The following FOXN3 variants were observed in gnomAD, a reference collection of about 807,000 sequenced individuals.
FOXN3 encodes forkhead box protein N3.
FOXN3 carries 7 observed loss-of-function variants against 38.4 expected under a neutral mutation model. That is an observed-to-expected ratio of 0.18 (90% CI 0.10 to 0.34). The LOEUF (loss-of-function observed/expected upper bound fraction) is 0.34, where lower values mean the gene tolerates loss of function less well. Among genes scored for constraint, FOXN3 ranks in the 10% least tolerant of loss-of-function variants. The pLI is 1.00. For missense variants in FOXN3, 456 were observed against 613.4 expected, an observed-to-expected ratio of 0.74 and a Z score of 2.71; for synonymous variants, 230 against 242.2, an observed-to-expected ratio of 0.95 and a Z score of 0.47.
chr14:89,607,765 T>C (rs1196234481), intron 1 of FOXN3, among the ~76,000 whole-genome samples: 4 of 152,024 alleles, frequency 2.6e-5, no homozygotes, highest in Non-Finnish European at 2.9e-5. Context: ...GGATTAAGTG[T>C]AGCAGGGATG....
intron 1 of FOXN3, among the ~76,000 whole-genome samples, chr14:89,475,245 T>C (rs1232600593): frequency 6.6e-6 from 1 of 152,248 alleles, no homozygotes; most frequent in Admixed American, 6.5e-5. Flanking sequence ...TGAATAGACC[T>C]ATATATAAAA....
At chr14:89,364,778 C>A (rs1389139767) in intron 2 of FOXN3, 1 of 152,208 alleles carries the variant, frequency 6.6e-6, no homozygotes, top group Admixed American at 6.5e-5. Context: ...TTTCAGAAAT[C>A]CACCTCATAT....
At chr14:89,400,911 A>G (rs533306236) in intron 2 of FOXN3, among the ~76,000 whole-genome samples, 1 of 152,026 alleles carries the variant, frequency 6.6e-6, no homozygotes, top group Non-Finnish European at 1.5e-5. Context: ...TACCCTGTCC[A>G]TGGAAGGAAC....
intron 1 of FOXN3, among the ~76,000 whole-genome samples, chr14:89,512,779 G>T (rs911219551): frequency 1.3e-5 from 2 of 152,230 alleles, no homozygotes; most frequent in Non-Finnish European, 2.9e-5. Flanking sequence ...CATTGGAACT[G>T]TGAAGCAAGT....
At chr14:89,405,820 G>GCA (rs1891372123) in intron 2 of FOXN3, among the ~76,000 whole-genome samples, 1 of 152,150 alleles carries the variant, frequency 6.6e-6, no homozygotes, top group Non-Finnish European at 1.5e-5. Context: ...TTTAAAGGAA[G>GCA]CACAGAGAGA....
intron 1 of FOXN3, among the ~76,000 whole-genome samples, chr14:89,463,588 CAG>C (rs1892902030): frequency 6.6e-6 from 1 of 152,146 alleles, no homozygotes; most frequent in Non-Finnish European, 1.5e-5. Flanking sequence ...TCTTCTAGAG[CAG>C]AGAGAGTGTA....
At chr14:89,393,364 G>C (rs1891010033) in intron 2 of FOXN3, among the ~76,000 whole-genome samples, 3 of 152,198 alleles carry the variant, frequency 2.0e-5, no homozygotes, top group African/African-American at 4.8e-5. Context: ...TACCAGAGAT[G>C]AGAACTTCAA....
chr14:89,617,280 G>A (rs1896512363), intron 1 of FOXN3, among the ~76,000 whole-genome samples: 1 of 152,200 alleles, frequency 6.6e-6, no homozygotes, highest in Non-Finnish European at 1.5e-5. Context: ...TTTACAGTTT[G>A]TCTTACAGAT....
chr14:89,619,147 C>A (rs2139966594), upstream of FOXN3: 1 of 150,966 alleles, frequency 6.6e-6, no homozygotes, highest in Middle Eastern at 3.4e-3. Context: ...TGCAGCAGAT[C>A]GCGGCCGGAA....
At chr14:89,253,415 A>T (rs1885523944) in intron 4 of FOXN3, among the ~76,000 whole-genome samples, 1 of 152,060 alleles carries the variant, frequency 6.6e-6, no homozygotes, top group South Asian at 2.1e-4. Context: ...CCACTCCGTG[A>T]GGCGTGATCC....
intron 2 of FOXN3, among the ~76,000 whole-genome samples, chr14:89,399,406 G>A (rs1056881618): frequency 1.3e-5 from 2 of 152,204 alleles, no homozygotes; most frequent in South Asian, 2.1e-4. Flanking sequence ...CCACGTGGCC[G>A]CAGAGGAACA....
At chr14:89,254,949 A>T (rs1885571538) in intron 4 of FOXN3, among the ~76,000 whole-genome samples, 1 of 152,210 alleles carries the variant, frequency 6.6e-6, no homozygotes, top group South Asian at 2.1e-4. Context: ...AGGAAAGCTA[A>T]GTGCTTTAAT....
At chr14:89,379,477 C>T (rs1403105762) in intron 2 of FOXN3, among the ~76,000 whole-genome samples, 3 of 152,088 alleles carry the variant, frequency 2.0e-5, no homozygotes, top group East Asian at 1.9e-4. Flanking sequence ...ACCGCTCCCC[C>T]GACAATCTCA....
chr14:89,295,062 C>G (rs1205526513), intron 3 of FOXN3, among the ~76,000 whole-genome samples: 1 of 152,108 alleles, frequency 6.6e-6, no homozygotes, highest in Non-Finnish European at 1.5e-5. Context: ...TGTTCCTTCC[C>G]AGCATGTCCT....
At chr14:89,462,113 G>C (rs1399368197) in intron 1 of FOXN3, among the ~76,000 whole-genome samples, 9 of 152,250 alleles carry the variant, frequency 5.9e-5, no homozygotes, top group Non-Finnish European at 4.4e-5. Context: ...TTAGAAAGTT[G>C]AGTTTAAGGT....
intron 4 of FOXN3, among the ~76,000 whole-genome samples, chr14:89,268,524 A>G (rs1399774845): frequency 6.6e-6 from 1 of 152,238 alleles, no homozygotes; most frequent in Non-Finnish European, 1.5e-5. Context: ...TGGCTTAAGT[A>G]TAAAGGAGAA....
chr14:89,299,274 A>T (rs996042841), intron 3 of FOXN3, among the ~76,000 whole-genome samples: 16 of 152,224 alleles, frequency 1.1e-4, no homozygotes, highest in African/African-American at 3.9e-4. Flanking sequence ...AAGGTAGTGA[A>T]TAAGTCTCAC....
At chr14:89,324,749 C>CA (rs1045847539) in intron 3 of FOXN3, among the ~76,000 whole-genome samples, 1 of 152,154 alleles carries the variant, frequency 6.6e-6, no homozygotes, top group African/African-American at 2.4e-5. Context: ...GCAAAGAAGA[C>CA]AGCAAGAACC....
chr14:89,610,935 G>C (rs1341571832), intron 1 of FOXN3, among the ~76,000 whole-genome samples: 4 of 152,306 alleles, frequency 2.6e-5, no homozygotes, highest in African/African-American at 9.6e-5. Flanking sequence ...ATATTAATTA[G>C]TTCCATCAAG....
Sources: allele counts gnomAD v4.1 joint callset (sites outside exome capture counted in the v4.1 genomes callset), GRCh38; gene constraint gnomAD v4.1.1; transcripts MANE v1.5; gene names NCBI Gene and HGNC (gene_info 2026-07-23, HGNC 2026-07-21).